MRPS35: variants seen among roughly 807,000 people sequenced by gnomAD.
MRPS35 encodes the protein mitochondrial ribosomal protein S35.
MRPS35 carries 29 observed loss-of-function variants against 32.7 expected under a neutral mutation model. That is an observed-to-expected ratio of 0.89 (90% CI 0.66 to 1.21). The LOEUF is 1.21. Ranked by LOEUF, MRPS35 falls within the 50% of genes most tolerant of loss-of-function variation. The pLI is 0.00. For synonymous variants in MRPS35, 148 were observed against 139.3 expected, an observed-to-expected ratio of 1.06 and a Z score of -0.44; for missense variants, 373 against 383.8, an observed-to-expected ratio of 0.97 and a Z score of 0.23.
intron 7 of MRPS35, among the ~76,000 whole-genome samples, chr12:27,754,751 A>G (rs2062019375): frequency 7.3e-6 from 1 of 136,898 alleles, no homozygotes; most frequent in Non-Finnish European, 1.5e-5. Flanking sequence ...TGGGTGACAG[A>G]GTGAGACCCA....
chr12:27,726,772 A>T (rs1177304359), intron 5 of MRPS35, among the ~76,000 whole-genome samples: 1 of 151,894 alleles, frequency 6.6e-6, no homozygotes, highest in Non-Finnish European at 1.5e-5. Context: ...GACTATTTGT[A>T]TATGTTTGGA....
intron 5 of MRPS35, among the ~76,000 whole-genome samples, chr12:27,735,098 ATTT>A (rs1313677801): frequency 6.6e-6 from 1 of 152,162 alleles, no homozygotes; most frequent in East Asian, 1.9e-4. Flanking sequence ...TTATCTATTT[ATTT>A]CTATATTCCA....
intron 1 of MRPS35, among the ~76,000 whole-genome samples, chr12:27,712,063 G>T (rs2061828109): frequency 6.6e-6 from 1 of 151,890 alleles, no homozygotes. Flanking sequence ...GAGAATGATG[G>T]ATTTGGGGGG....
chr12:27,719,912 C>A (rs1373269311), intron 4 of MRPS35, 44 bp downstream of exon 4: 2 of 1,362,486 alleles, frequency 1.5e-6, no homozygotes, highest in Non-Finnish European at 2.1e-6. Flanking sequence ...TGACTTTGAA[C>A]ATAAATTTAA....
chr12:27,719,079 C>T (rs1475449039), intron 3 of MRPS35, among the ~76,000 whole-genome samples: 8 of 151,838 alleles, frequency 5.3e-5, no homozygotes, highest in Non-Finnish European at 1.0e-4. Context: ...AGAGCGAGAC[C>T]CTGTCTCAGA....
intron 1 of MRPS35, among the ~76,000 whole-genome samples, 196 bp from the exon 2 acceptor site, chr12:27,714,580 CCTCT>C (rs750992601): frequency 4.0e-5 from 6 of 149,604 alleles, no homozygotes; most frequent in Non-Finnish European, 8.9e-5. Context: ...GCCGAGACTC[CCTCT>C]GTTTCCAGTT....
chr12:27,749,567 G>A (rs1482593243), intron 7 of MRPS35, among the ~76,000 whole-genome samples: 1 of 152,112 alleles, frequency 6.6e-6, no homozygotes, highest in Non-Finnish European at 1.5e-5. Flanking sequence ...TACCTTCGAA[G>A]TTTTAGTTTA....
chr12:27,726,853 T>C (rs896769502), intron 5 of MRPS35, among the ~76,000 whole-genome samples: 2 of 152,078 alleles, frequency 1.3e-5, no homozygotes, highest in Non-Finnish European at 2.9e-5. Flanking sequence ...GAGTTATAAG[T>C]GTATTTTATA....
At chr12:27,719,098 A>G (rs1399018400) in intron 3 of MRPS35, among the ~76,000 whole-genome samples, 1 of 152,192 alleles carries the variant, frequency 6.6e-6, no homozygotes, top group African/African-American at 2.4e-5. Context: ...GAAAAAAGAA[A>G]AAAACAAAAC....
chr12:27,750,986 C>T (rs1188515165), intron 7 of MRPS35, among the ~76,000 whole-genome samples: 1 of 150,716 alleles, frequency 6.6e-6, no homozygotes, highest in Non-Finnish European at 1.5e-5. Flanking sequence ...GCCTGTAATC[C>T]CAGCTACTTG....
intron 3 of MRPS35, 143 bp downstream of exon 3, chr12:27,716,601 T>C: frequency 4.0e-6 from 3 of 743,264 alleles, no homozygotes; most frequent in Non-Finnish European, 4.3e-6. Context: ...AATAATATAA[T>C]AGGTTTATTA....
Position 27,755,517 on chromosome 12 carries a change from AT to A in MRPS35, c.*68del. ...ATATATGTGATCAGTATCTAATTTGATATAAAATTGAAAATGTTAAAAAATC... is the reference window on the plus strand; with the variant it reads ...ATATATGTGATCAGTATCTAATTTGAATAAAATTGAAAATGTTAAAAAATC... On this transcript the variant is annotated 3_prime_UTR_variant, in exon 8 of 8. Coordinates refer to ENST00000081029, the MANE Select transcript of MRPS35 (RefSeq NM_021821.4). The A allele has an allele frequency of 3.0e-6, 4 of 1,343,264 alleles. No individual in the cohort carries two copies. Among genetic ancestry groups the A allele is most frequent in the Non-Finnish European group, 3.9e-6 (4 of 1,016,406 alleles). The allele number at this position is 1,343,264 out of a possible 1,614,324, so 83.2% of individuals were successfully genotyped here. A position where few individuals can be genotyped will look rare whatever the true frequency, so the allele number is the denominator to read the frequency against.
At chr12:27,714,752 T>C (rs1204482854) in intron 1 of MRPS35, 28 bp from the exon 2 acceptor site, 1 of 1,572,180 alleles carries the variant, frequency 6.4e-7, no homozygotes. Flanking sequence ...AAATTCTCTT[T>C]AACTACTGTG....
chr12:27,720,394 C>CAAAAAAAAA (rs11414370), intron 4 of MRPS35, among the ~76,000 whole-genome samples: 1 of 101,666 alleles, frequency 9.8e-6, no homozygotes, highest in Non-Finnish European at 1.9e-5. Context: ...AACGCCATCT[C>CAAAAAAAAA]AAAAAAAAAA....
chr12:27,754,108 G>T (rs1412355886), intron 7 of MRPS35, among the ~76,000 whole-genome samples: 1 of 152,084 alleles, frequency 6.6e-6, no homozygotes, highest in Admixed American at 6.6e-5. Flanking sequence ...ACAAAAATTA[G>T]CTGGGCGTGG....
chr12:27,738,558 A>G (rs568650121), intron 7 of MRPS35, among the ~76,000 whole-genome samples: 9 of 152,344 alleles, frequency 5.9e-5, no homozygotes, highest in African/African-American at 1.9e-4. Context: ...TTGGTAGCCA[A>G]TATGTTTAGG....
intron 5 of MRPS35, among the ~76,000 whole-genome samples, chr12:27,732,407 G>A (rs2061925156): frequency 6.6e-6 from 1 of 152,168 alleles, no homozygotes; most frequent in Non-Finnish European, 1.5e-5. Flanking sequence ...GTGCTAGCCT[G>A]TGATGCCTTC....
chr12:27,745,254 C>T (rs1010688918), intron 7 of MRPS35, among the ~76,000 whole-genome samples: 23 of 152,122 alleles, frequency 1.5e-4, no homozygotes, highest in African/African-American at 5.6e-4. Flanking sequence ...TTATTATAGC[C>T]TTTTCATTTT....
chr12:27,737,579 C>G lies in MRPS35; in HGVS notation c.673C>G (p.Leu225Val), dbSNP rs765992541. Reference protein sequence around the residue: ...RRQNYDYAVYLLTVLYHESWN... With the variant: ...RRQNYDYAVYVLTVLYHESWN... ...GCAGAATTACGATTATGCAGTGTAT[C>G]TACTAACAGTGTTATACCATGAGTC... Residue 225 changes from leucine (L) to valine (V), a missense_variant, in exon 7 of 8, where the codon CTA becomes GTA. Leu to Val is a conservative substitution (Grantham distance 32). Transcript: ENST00000081029. The G allele has an allele frequency of 1.4e-5, 23 of 1,611,530 alleles. No individual in the cohort carries two copies. The highest frequency in any genetic ancestry group is 1.7e-5 in the Non-Finnish European group (20 of 1,178,098).
Sources: gnomAD v4.1 joint callset for allele counts (sites outside exome capture counted in the v4.1 genomes callset) on GRCh38, gnomAD v4.1.1 for gene constraint, MANE v1.5 for transcripts, NCBI Gene and HGNC (gene_info 2026-07-23, HGNC 2026-07-21) for gene names.